Variants in SNTG1 observed in about 807,000 individuals in gnomAD.
SNTG1 encodes the protein syntrophin gamma 1.
SNTG1 carries 39 observed loss-of-function variants against 74.7 expected under a neutral mutation model. The ratio of observed to expected loss-of-function variants is 0.52; its 90% CI spans 0.40 to 0.68. The LOEUF (loss-of-function observed/expected upper bound fraction) is 0.68. Ranked by LOEUF, SNTG1 falls within the 30% of genes least tolerant of loss-of-function variation. SNTG1 has a pLI of 0.00. For missense variants in SNTG1, 685 were observed against 609.5 expected, an observed-to-expected ratio of 1.12 and a Z score of -1.30; for synonymous variants, 254 against 217.1, an observed-to-expected ratio of 1.17 and a Z score of -1.49.
intron 1 of SNTG1, among the ~76,000 whole-genome samples, chr8:50,167,328 TAAAATA>T (rs894487228): frequency 1.8e-4 from 26 of 142,940 alleles, no homozygotes; most frequent in Middle Eastern, 3.6e-3. Context: ...TAAAATAAAA[TAAAATA>T]AAAAAAAAAA....
At chr8:50,428,605 G>A (rs938742672) in intron 4 of SNTG1, among the ~76,000 whole-genome samples, 3 of 152,146 alleles carry the variant, frequency 2.0e-5, no homozygotes, top group African/African-American at 7.2e-5. Context: ...ACAATTTTCA[G>A]TGGGCTTTAG....
intron 18 of SNTG1, among the ~76,000 whole-genome samples, chr8:50,784,264 G>A (rs988601082): frequency 2.6e-5 from 4 of 152,106 alleles, no homozygotes; most frequent in Non-Finnish European, 5.9e-5. Flanking sequence ...GGACAGATAT[G>A]TCTACTCCAT....
At chr8:50,279,646 G>A (rs2088318852) in intron 2 of SNTG1, among the ~76,000 whole-genome samples, 1 of 152,088 alleles carries the variant, frequency 6.6e-6, no homozygotes, top group Non-Finnish European at 1.5e-5. Flanking sequence ...AGATTAACAA[G>A]AGAAAATCAA....
In SNTG1 at chr8:49,975,002, T is replaced by C. The variant is rs1160115675; in HGVS notation, c.-103+62771T>C. ...AGTGCACAGGTCCAGGCAGGGTCCA[T>C]GGACACGTCCATGGAAATGATAGTC... On this transcript the variant is annotated intron_variant, in intron 1 of 18. Coordinates refer to ENST00000642720, the MANE Select transcript of SNTG1 (RefSeq NM_018967.5). Among the ~76,000 whole-genome samples the C allele has an allele frequency of 2.6e-5, 4 of 152,024 alleles. No individual in the cohort carries two copies. In the East Asian group the frequency reaches 7.7e-4, roughly 29 times the overall value.
chr8:50,236,129 T>C (rs1378847032), intron 2 of SNTG1, among the ~76,000 whole-genome samples: 1 of 152,182 alleles, frequency 6.6e-6, no homozygotes, highest in Non-Finnish European at 1.5e-5. Context: ...TTTATCTGGA[T>C]GGTTTTTCCA....
intron 1 of SNTG1, among the ~76,000 whole-genome samples, chr8:50,160,711 T>G (rs1266746334): frequency 6.6e-6 from 1 of 152,212 alleles, no homozygotes. Context: ...TGCCTTATAA[T>G]GTATCCTATG....
intron 18 of SNTG1, among the ~76,000 whole-genome samples, chr8:50,759,427 G>T (rs1563813492): frequency 1.3e-5 from 2 of 151,838 alleles, no homozygotes; most frequent in Non-Finnish European, 2.9e-5. Flanking sequence ...TTCTTCTAGG[G>T]GTTTTATGGT....
chr8:50,073,249 A>G (rs537759548), intron 1 of SNTG1, among the ~76,000 whole-genome samples: 20 of 152,276 alleles, frequency 1.3e-4, no homozygotes, highest in African/African-American at 4.8e-4. Context: ...CATTTTAACC[A>G]TGTTCTATTC....
At chr8:50,228,717 C>T (rs1308373719) in intron 2 of SNTG1, among the ~76,000 whole-genome samples, 8 of 151,624 alleles carry the variant, frequency 5.3e-5, no homozygotes, top group Non-Finnish European at 1.2e-4. Context: ...AAATAAAGAC[C>T]TTCTTAGACA....
In SNTG1 at chr8:50,777,489, G is replaced by T. The variant is rs577812033; in HGVS notation, c.1396-15182G>T. On this transcript the variant is annotated intron_variant, in intron 18 of 18. Transcript: ENST00000642720. The stretch of plus-strand genomic sequence containing the variant: ...TTTTTATGTCTTTTATTTCTTCCTA[G>T]GGTTTCTGTTTCTTTTCTGAGACTT... Among the ~76,000 whole-genome samples, 197 of 150,424 alleles carry T rather than the reference G, an allele frequency of 1.3e-3. 5 individuals are homozygous for T. The South Asian group carries it at 0.039, about 30-fold the overall frequency.
intron 15 of SNTG1, among the ~76,000 whole-genome samples, chr8:50,689,285 A>G (rs1420710602): frequency 1.3e-5 from 2 of 152,098 alleles, no homozygotes; most frequent in Non-Finnish European, 1.5e-5. Context: ...TTCCAACACT[A>G]TGTTGAATAG....
intron 2 of SNTG1, among the ~76,000 whole-genome samples, chr8:50,202,530 T>C (rs949205876): frequency 2.0e-4 from 30 of 152,176 alleles, no homozygotes; most frequent in Non-Finnish European, 4.4e-5. Flanking sequence ...TGATAGTGCA[T>C]TTCTTTTTAC....
chr8:50,600,527 A>T (rs773652733), intron 13 of SNTG1, among the ~76,000 whole-genome samples: 2 of 152,040 alleles, frequency 1.3e-5, no homozygotes, highest in Non-Finnish European at 2.9e-5. Flanking sequence ...TAAGTTGTAT[A>T]TGTCTACGAA....
At chr8:49,934,394 T>G (rs544125142) in intron 1 of SNTG1, among the ~76,000 whole-genome samples, 20 of 152,248 alleles carry the variant, frequency 1.3e-4, no homozygotes, top group African/African-American at 4.6e-4. Context: ...TATTATCATG[T>G]AGACTTTCTT....
chr8:49,952,928 G>A (rs1200132973), intron 1 of SNTG1, among the ~76,000 whole-genome samples: 1 of 152,152 alleles, frequency 6.6e-6, no homozygotes, highest in Non-Finnish European at 1.5e-5. Context: ...ATTGACTGGT[G>A]GCATAGGCAG....
intron 2 of SNTG1, among the ~76,000 whole-genome samples, chr8:50,298,461 C>A (rs1018778886): frequency 1.3e-5 from 2 of 152,068 alleles, no homozygotes; most frequent in Non-Finnish European, 2.9e-5. Context: ...ATTTTCTTCA[C>A]CCCCTGCCCA....
At chr8:50,631,920 T>C (rs1380690158) in intron 13 of SNTG1, among the ~76,000 whole-genome samples, 2 of 152,238 alleles carry the variant, frequency 1.3e-5, no homozygotes, top group African/African-American at 4.8e-5. Context: ...ACTAAATCAA[T>C]GCTCACGTCT....
At chr8:50,167,119 T>G in intron 1 of SNTG1, among the ~76,000 whole-genome samples, 1 of 81,298 alleles carries the variant, frequency 1.2e-5, no homozygotes, top group Non-Finnish European at 2.3e-5. Flanking sequence ...CTGGGGACTG[T>G]GGTGGGGTCG....
rs1224353225 is a variant in SNTG1 at position 50,099,014 on chromosome 8, A to T, written c.-102-73547A>T. Among the ~76,000 whole-genome samples, 6 of 152,272 alleles carry T rather than the reference A, an allele frequency of 3.9e-5. No homozygotes were observed. The East Asian group carries it at 1.2e-3, about 29-fold the overall frequency. ...AATCCATCTAGAGGTTACAGAAGGC[A>T]TTTTGAAATTTTTGAGGTTTTATAC... is the stretch of plus-strand genomic sequence containing the variant. On this transcript the variant is annotated intron_variant, in intron 1 of 18. Coordinates refer to ENST00000642720, the MANE Select transcript of SNTG1 (RefSeq NM_018967.5).
Sources: gnomAD v4.1 joint callset for allele counts (sites outside exome capture counted in the v4.1 genomes callset) on GRCh38, gnomAD v4.1.1 for gene constraint, MANE v1.5 for transcripts, NCBI Gene and HGNC (gene_info 2026-07-23, HGNC 2026-07-21) for gene names.